NEGR1: variants seen among roughly 807,000 people sequenced by gnomAD.
The protein encoded by NEGR1 is neuronal growth regulator 1.
A neutral mutation model predicts 40.9 loss-of-function variants in NEGR1; 10 were observed. That is an observed-to-expected ratio of 0.24 (90% CI 0.15 to 0.42). The LOEUF (loss-of-function observed/expected upper bound fraction) is 0.42. Ranked by LOEUF, NEGR1 falls within the 10% of genes least tolerant of loss-of-function variation. NEGR1 has a pLI of 1.00. For synonymous variants in NEGR1, 185 were observed against 166.8 expected, an observed-to-expected ratio of 1.11 and a Z score of -0.84; for missense variants, 352 against 438.9, an observed-to-expected ratio of 0.80 and a Z score of 1.77.
At chr1:71,888,277 G>A (rs960003420) in intron 2 of NEGR1, among the ~76,000 whole-genome samples, 2 of 151,806 alleles carry the variant, frequency 1.3e-5, no homozygotes, top group African/African-American at 4.8e-5. Context: ...GCAGAAGACG[G>A]GTGATTTCTG....
intron 1 of NEGR1, among the ~76,000 whole-genome samples, chr1:72,122,520 T>C (rs1649841730): frequency 6.6e-6 from 1 of 152,042 alleles, no homozygotes; most frequent in Non-Finnish European, 1.5e-5. Context: ...AAAATGTATG[T>C]GATATATGTG....
Position 71,446,896 on chromosome 1 carries a change from G to A in NEGR1, c.941-39326C>T, listed in dbSNP as rs1646586371. Among the ~76,000 whole-genome samples the A allele has an allele frequency of 2.6e-5, 4 of 152,164 alleles. No homozygotes were observed. In the South Asian group the frequency reaches 8.3e-4, roughly 31 times the overall value. ...TAAATAAATAGACTCAAACAATATTGTAACATTATTTTGTGTCTGGCCAAC... is the reference window on the plus strand; with the variant it reads ...TAAATAAATAGACTCAAACAATATTATAACATTATTTTGTGTCTGGCCAAC... On this transcript the variant is annotated intron_variant, in intron 6 of 6. Transcript: ENST00000357731.
At chr1:71,629,603 T>C (rs1239520809) in intron 4 of NEGR1, among the ~76,000 whole-genome samples, 1 of 151,954 alleles carries the variant, frequency 6.6e-6, no homozygotes, top group African/African-American at 2.4e-5. Flanking sequence ...TATTGGGAGT[T>C]CTGGCCGGGG....
rs1222718081 is a variant in NEGR1, at chr1:71,519,660, C to A, written c.940+73157G>T. ...CACGTTAGTGGGTGCAGCGCACCAG[C>A]ATGGCACATGTATACATATGTAACT... On this transcript the variant is annotated intron_variant, in intron 6 of 6. Transcript: ENST00000357731. Among the ~76,000 whole-genome samples the A allele has an allele frequency of 3.7e-4, 48 of 128,364 alleles. 1 individual carries two copies. The Admixed American group carries it at 3.9e-3, about 10-fold the overall frequency. 84.2% of individuals were successfully genotyped at this position (128,364 alleles called of 152,430 possible). A position where few individuals can be genotyped will look rare whatever the true frequency, so the allele number is the denominator to read the frequency against.
chr1:72,042,945 T>C (rs966802903), intron 1 of NEGR1, among the ~76,000 whole-genome samples: 12 of 152,026 alleles, frequency 7.9e-5, no homozygotes, highest in Admixed American at 7.9e-4. Flanking sequence ...TGTTTTGTGC[T>C]ACACTCTACA....
At chr1:72,004,180 G>A (rs1646582002) in intron 1 of NEGR1, among the ~76,000 whole-genome samples, 2 of 151,446 alleles carry the variant, frequency 1.3e-5, no homozygotes, top group Non-Finnish European at 2.9e-5. Context: ...TAATTAAAAG[G>A]CTGATATATA....
At chr1:72,183,484 C>T (rs963617779) in intron 1 of NEGR1, among the ~76,000 whole-genome samples, 1 of 152,102 alleles carries the variant, frequency 6.6e-6, no homozygotes, top group African/African-American at 2.4e-5. Flanking sequence ...AAAGTCTCTT[C>T]CTGTCTGTTC....
At position 71,550,036 on chromosome 1, in the gene NEGR1, T is replaced by C. The variant is rs115368764; in HGVS notation, c.940+42781A>G. Among the ~76,000 whole-genome samples the C allele has an allele frequency of 5.9e-3, 898 of 151,792 alleles. 9 individuals carry two copies. The highest frequency in any genetic ancestry group is 0.021 in the African/African-American group (858 of 41,496). ...TTTCCTCATTTATATGGTAAAATGG[T>C]AAAAGTAAGCTATGTTATAAATCAC... is the stretch of plus-strand genomic sequence containing the variant. On this transcript the variant is annotated intron_variant, in intron 6 of 6. Transcript: ENST00000357731.
intron 5 of NEGR1, among the ~76,000 whole-genome samples, chr1:71,610,146 G>A (rs1471441454): frequency 6.6e-6 from 1 of 152,130 alleles, no homozygotes; most frequent in African/African-American, 2.4e-5. Context: ...CATGAGAATG[G>A]ACTAATACAG....
chr1:71,925,119 C>G (rs1310688598), intron 2 of NEGR1, among the ~76,000 whole-genome samples: 1 of 152,178 alleles, frequency 6.6e-6, no homozygotes, highest in Non-Finnish European at 1.5e-5. Context: ...TCATCACGCT[C>G]AAGAAGTTGA....
At chr1:71,901,980 A>G (rs1225561352) in intron 2 of NEGR1, among the ~76,000 whole-genome samples, 1 of 152,096 alleles carries the variant, frequency 6.6e-6, no homozygotes, top group African/African-American at 2.4e-5. Flanking sequence ...AGATATAAAC[A>G]TCTTATATTT....
At chr1:71,454,452 TC>T (rs1351789365) in intron 6 of NEGR1, among the ~76,000 whole-genome samples, 1 of 152,206 alleles carries the variant, frequency 6.6e-6, no homozygotes, top group African/African-American at 2.4e-5. Context: ...CATTTTTTTT[TC>T]ATCTTCTGAC....
At chr1:72,146,936 G>C (rs1650932867) in intron 1 of NEGR1, among the ~76,000 whole-genome samples, 1 of 152,070 alleles carries the variant, frequency 6.6e-6, no homozygotes, top group African/African-American at 2.4e-5. Context: ...ACTATGTCTT[G>C]ATGTACAATT....
chr1:71,840,312 C>A (rs1011738343), intron 2 of NEGR1, among the ~76,000 whole-genome samples: 1 of 151,944 alleles, frequency 6.6e-6, no homozygotes, highest in South Asian at 2.1e-4. Context: ...ATTACCACAT[C>A]ATTAGAGATA....
chr1:71,668,009 T>C (rs576406059), intron 4 of NEGR1, among the ~76,000 whole-genome samples: 9 of 152,218 alleles, frequency 5.9e-5, no homozygotes, highest in Non-Finnish European at 7.3e-5. Context: ...TAAATCAGTT[T>C]ATGTTTTTTC....
At position 71,601,744 on chromosome 1, in the gene NEGR1, G is replaced by A. The variant is rs181760231; in HGVS notation, c.789-8776C>T. 3.3e-5 allele frequency among the ~76,000 whole-genome samples: 5 copies of A among 152,240 alleles called. No individual in the cohort carries two copies. The East Asian group carries it at 9.7e-4, about 29-fold the overall frequency. ...ATACTGCATTCTCACTTATAAGTGG[G>A]AGTTAAAAAATGGGTACACATGGAC... is the stretch of plus-strand genomic sequence containing the variant. On this transcript the variant is annotated intron_variant, in intron 5 of 6. Coordinates refer to ENST00000357731, the MANE Select transcript of NEGR1 (RefSeq NM_173808.3).
At chr1:72,235,184 A>G (rs1654507182) in intron 1 of NEGR1, among the ~76,000 whole-genome samples, 1 of 152,146 alleles carries the variant, frequency 6.6e-6, no homozygotes, top group African/African-American at 2.4e-5. Context: ...TATCACCGCA[A>G]ATTTCAGAAG....
intron 6 of NEGR1, chr1:71,423,051 G>A (rs1433921285): frequency 6.6e-6 from 1 of 152,188 alleles, no homozygotes; most frequent in Non-Finnish European, 1.5e-5. Flanking sequence ...TGTAAATACA[G>A]TTTATTTCCT....
At chr1:71,439,215 GTA>G (rs1179989235) in intron 6 of NEGR1, among the ~76,000 whole-genome samples, 1 of 152,086 alleles carries the variant, frequency 6.6e-6, no homozygotes, top group Non-Finnish European at 1.5e-5. Flanking sequence ...ATAGAGCTCT[GTA>G]TATTAAAGAT....
Sources: gnomAD v4.1 joint callset for allele counts (sites outside exome capture counted in the v4.1 genomes callset) on GRCh38, gnomAD v4.1.1 for gene constraint, MANE v1.5 for transcripts, NCBI Gene and HGNC (gene_info 2026-07-23, HGNC 2026-07-21) for gene names.